MFN2: variants seen among roughly 807,000 people sequenced by gnomAD.
MFN2 encodes the protein mitofusin-2.
Under a neutral mutation model 87.5 loss-of-function variants are expected in MFN2, and 43 were observed. The ratio of observed to expected loss-of-function variants is 0.49; its 90% CI spans 0.38 to 0.63. The LOEUF (loss-of-function observed/expected upper bound fraction) is 0.63, where lower values mean the gene tolerates loss of function less well. Ranked by LOEUF, MFN2 falls within the 30% of genes least tolerant of loss-of-function variation. The pLI is 0.00. For missense variants in MFN2, 743 were observed against 972.8 expected, an observed-to-expected ratio of 0.76 and a Z score of 3.14; for synonymous variants, 337 against 359.9, an observed-to-expected ratio of 0.94 and a Z score of 0.72.
intron 6 of MFN2, among the ~76,000 whole-genome samples, chr1:11,998,027 G>A (rs1391436450): frequency 6.6e-6 from 1 of 150,952 alleles, no homozygotes; most frequent in African/African-American, 2.4e-5. Flanking sequence ...GGGATTACAG[G>A]TGCCCGCCAC....
Position 12,005,944 on chromosome 1 carries a change from C to A in MFN2, c.1716+13C>A, listed in dbSNP as rs774563611. The A allele has an allele frequency of 6.2e-7, 1 of 1,612,184 alleles. No individual in the cohort carries two copies. Reference sequence around the variant, plus strand: ...CTACAATGACCAGGCAAGCAAAGTTCCTCACCTCAAGGGCATTGTGGGGGG... The same window carrying A: ...CTACAATGACCAGGCAAGCAAAGTTACTCACCTCAAGGGCATTGTGGGGGG... On this transcript the variant is annotated intron_variant, in intron 15 of 18. Transcript: ENST00000235329.
Position 11,992,667 on chromosome 1 carries a change from C to T in MFN2, c.288C>T (p.His96=), listed in dbSNP as rs779756767. 15 of 1,614,080 alleles carry T rather than the reference C, an allele frequency of 9.3e-6. No individual in the cohort carries two copies. Among genetic ancestry groups the T allele is most frequent in the Admixed American group, 8.3e-5 (5 of 60,000 alleles). The part of the protein sequence containing the change: ...RGISEVLARR[H]MKVAFFGRTS... ...TCAGTGAGGTGCTGGCTCGGAGGCA[C>T]ATGAAAGTGGCTTTTTTTGGCCGGT... The change falls in exon 4 of 19, where the codon CAC becomes CAT. Residue 96 remains histidine (H), a synonymous_variant. Transcript: ENST00000235329.
Position 12,003,960 on chromosome 1 carries a change from A to G in MFN2, c.1161-32A>G, listed in dbSNP as rs1418913385. Reference sequence around the variant, plus strand: ...TGCTCCTCTGCTTAGTCAGACAGGAACATGGATTTCTCACCAGTACTCTGC... The same window carrying G: ...TGCTCCTCTGCTTAGTCAGACAGGAGCATGGATTTCTCACCAGTACTCTGC... On this transcript the variant is annotated intron_variant, in intron 11 of 18. Transcript: ENST00000235329. The surrounding 1 kb of genome is among the most constrained non-coding windows in gnomAD (Gnocchi z 4.1). The G allele has an allele frequency of 6.2e-7, 1 of 1,614,040 alleles. No homozygotes were observed. Among genetic ancestry groups the G allele is most frequent in the Non-Finnish European group, 8.5e-7 (1 of 1,179,922 alleles).
At position 12,011,483 on chromosome 1, in the gene MFN2, C is replaced by T. The variant is rs76020240; in HGVS notation, c.2205-13C>T. Reference sequence around the variant, plus strand: ...TCAGCTATCATGGTTACAAAAGAACCATTTCTTTGCAGGAATAAAGCCGGT... The same window carrying T: ...TCAGCTATCATGGTTACAAAAGAACTATTTCTTTGCAGGAATAAAGCCGGT... On this transcript the variant is annotated splice_polypyrimidine_tract_variant and intron_variant, in intron 18 of 18. Coordinates refer to ENST00000235329, the MANE Select transcript of MFN2 (RefSeq NM_014874.4). 1.9e-6 allele frequency: 3 copies of T among 1,614,048 alleles called. No individual in the cohort carries two copies. The highest frequency in any genetic ancestry group is 1.1e-5 in the South Asian group (1 of 91,076).
Position 12,011,652 on chromosome 1 carries a change from T to A in MFN2, c.*87T>A. The A allele has an allele frequency of 7.1e-7, 1 of 1,400,564 alleles. No individual in the cohort carries two copies. The highest frequency in any genetic ancestry group is 1.0e-6 in the Non-Finnish European group (1 of 991,018). 86.8% of individuals were successfully genotyped at this position (1,400,564 alleles called of 1,614,324 possible). On this transcript the variant is annotated 3_prime_UTR_variant, in exon 19 of 19. Transcript: ENST00000235329. ...GGGCTCCCCCAGGGGCACGTGTGGC[T>A]CCTGCCCCCTGGCCACTGCCAAGAG... is the stretch of plus-strand genomic sequence containing the variant.
chr1:12,009,549 T>G, intron 17 of MFN2, 43 bp from the exon 18 acceptor site: 1 of 1,613,996 alleles, frequency 6.2e-7, no homozygotes, highest in Non-Finnish European at 8.5e-7. Context: ...AGTGGCATCT[T>G]GCTCCACACA....
rs141468012 is a variant in MFN2, at chr1:12,007,100, C to G, written c.1920C>G (p.Leu640=). The part of the protein sequence containing the change: ...GWRLIALSFG[L]YGLLYVYERL... ...GGCTCATTGCCCTCTCCTTTGGGCT[C>G]TATGGCCTCCTCTACGTCTATGAGC... The change falls in exon 17 of 19, where the codon CTC becomes CTG. Residue 640 remains leucine, a synonymous_variant. Transcript: ENST00000235329. The G allele has an allele frequency of 2.3e-4, 370 of 1,614,160 alleles. 2 individuals carry two copies. Among genetic ancestry groups the G allele is most frequent in the Admixed American group, 1.2e-3 (70 of 60,024 alleles).
intron 6 of MFN2, 118 bp downstream of exon 6, chr1:11,997,539 T>C: frequency 7.1e-7 from 1 of 1,403,894 alleles, no homozygotes; most frequent in Non-Finnish European, 9.9e-7. Flanking sequence ...TATTACTACC[T>C]TTCAGATGGG....
intron 2 of MFN2, among the ~76,000 whole-genome samples, chr1:11,988,762 A>G (rs1274975617): frequency 6.6e-6 from 1 of 151,958 alleles, no homozygotes; most frequent in Non-Finnish European, 1.5e-5. Context: ...GTACAATGGC[A>G]TGATCTTGGT....
chr1:11,984,005 C>A (rs2100787351), intron 2 of MFN2, among the ~76,000 whole-genome samples: 2 of 152,296 alleles, frequency 1.3e-5, no homozygotes, highest in East Asian at 3.9e-4. Flanking sequence ...GATGCAGCTG[C>A]AGGCTGGGTA....
Position 12,003,237 on chromosome 1 carries a change from A to AT in MFN2, c.1161-754dup, listed in dbSNP as rs58745489. Among the ~76,000 whole-genome samples the AT allele has an allele frequency of 0.062, 9,497 of 152,130 alleles. 353 individuals carry two copies. The highest frequency in any genetic ancestry group is 0.13 in the East Asian group (651 of 5,166). ...TTTCCAGTTTTAGTCAGTTTTCTTG[A>AT]TGCTCTTCAGAACAGCCGTACCCAT... On this transcript the variant is annotated intron_variant, in intron 11 of 18. Coordinates refer to ENST00000235329, the MANE Select transcript of MFN2 (RefSeq NM_014874.4). The surrounding 1 kb of genome is among the most constrained non-coding windows in gnomAD (Gnocchi z 4.1).
intron 5 of MFN2, 124 bp from the exon 6 acceptor site, chr1:11,997,173 T>C: frequency 6.9e-7 from 1 of 1,445,322 alleles, no homozygotes; most frequent in Non-Finnish European, 9.5e-7. Context: ...TTTTTATATG[T>C]GGAAGAAGAA....
chr1:11,998,924 C>A, intron 7 of MFN2, 46 bp downstream of exon 7: 3 of 1,610,914 alleles, frequency 1.9e-6, no homozygotes, highest in Non-Finnish European at 2.5e-6. Flanking sequence ...ACCCCCTGGG[C>A]AGGCAGCTGA....
chr1:12,006,012 C>T lies in MFN2; in HGVS notation c.1716+81C>T, dbSNP rs542000715. 70 of 1,382,508 alleles carry T rather than the reference C, an allele frequency of 5.1e-5. No homozygotes were observed. The African/African-American group carries it at 5.8e-4, about 11-fold the overall frequency. The allele number at this position is 1,382,508 out of a possible 1,614,324, so 85.6% of individuals were successfully genotyped here. A position where few individuals can be genotyped will look rare whatever the true frequency, so the allele number is the denominator to read the frequency against. On this transcript the variant is annotated intron_variant, in intron 15 of 18. Transcript: ENST00000235329. ...TCCAGACACGGGAACCATTCTAAAA[C>T]GGGGGTTCCCTAAGGTCAGCAGCTG...
rs1286223867 is a variant in MFN2 at position 12,011,712 on chromosome 1, TC to T, written c.*149del. 168 of 785,182 alleles carry T rather than the reference TC, an allele frequency of 2.1e-4. No homozygotes were observed. Among genetic ancestry groups the T allele is most frequent in the Middle Eastern group, 3.5e-4 (1 of 2,822 alleles). 48.6% of individuals were successfully genotyped at this position (785,182 alleles called of 1,614,324 possible). ...CCCAGTCTCGTACCATTTTGAGCCC[TC>T]CAGCACTACTTATTTTCCCCCACCT... On this transcript the variant is annotated 3_prime_UTR_variant, in exon 19 of 19. Coordinates refer to ENST00000235329, the MANE Select transcript of MFN2 (RefSeq NM_014874.4).
At chr1:11,991,405 TG>T (rs1638667967) in intron 3 of MFN2, among the ~76,000 whole-genome samples, 1 of 152,120 alleles carries the variant, frequency 6.6e-6, no homozygotes, top group Non-Finnish European at 1.5e-5. Flanking sequence ...GAAGGCTTCC[TG>T]GGGGCAGTGC....
Position 12,007,128 on chromosome 1 carries a change from C to T in MFN2, c.1948C>T (p.Leu650=). ...TGGCCTCCTCTACGTCTATGAGCGT[C>T]TGACCTGGACCACCAAGGCCAAGGA... ...LYGLLYVYER[L]TWTTKAKERA... Residue 650 remains leucine (L), a synonymous_variant, in exon 17 of 19, where the codon CTG becomes TTG. Transcript: ENST00000235329. 1 of 1,614,218 alleles carries T rather than the reference C, an allele frequency of 6.2e-7. No homozygotes were observed. Among genetic ancestry groups the T allele is most frequent in the Non-Finnish European group, 8.5e-7 (1 of 1,180,048 alleles).
intron 10 of MFN2, 71 bp downstream of exon 10, chr1:12,001,907 T>C (rs1336776316): frequency 1.9e-6 from 3 of 1,614,062 alleles, no homozygotes; most frequent in East Asian, 4.5e-5. Context: ...TCCCTGGCAG[T>C]GAAAACCAGA....
At chr1:11,995,452 G>A (rs905938322) in intron 4 of MFN2, among the ~76,000 whole-genome samples, 1 of 151,780 alleles carries the variant, frequency 6.6e-6, no homozygotes, top group African/African-American at 2.4e-5. Context: ...GGCCAACATG[G>A]TGAAACCCTG....
Sources: allele counts gnomAD v4.1 joint callset (sites outside exome capture counted in the v4.1 genomes callset), GRCh38; gene constraint gnomAD v4.1.1; non-coding constraint Gnocchi (gnomAD v3.1); transcripts MANE v1.5; gene names NCBI Gene and HGNC (gene_info 2026-07-23, HGNC 2026-07-21).